DENND1B: variants seen among roughly 807,000 people sequenced by gnomAD.
DENND1B encodes the protein DENN domain-containing protein 1B.
DENND1B carries 59 observed loss-of-function variants against 90.1 expected under a neutral mutation model. The observed-to-expected ratio is 0.65, with a 90% CI of 0.53 to 0.81. The LOEUF is 0.81. DENND1B is among the 40% of genes least tolerant of loss of function. The probability of loss-of-function intolerance (pLI) is 0.00; values close to 1 mark genes in which losing one functional copy is unlikely to be tolerated. For synonymous variants in DENND1B, 337 were observed against 324.6 expected (o/e 1.04, Z -0.41); for missense variants, 862 against 912.6 (o/e 0.94, Z 0.71).
At chr1:197,721,368 C>T (rs1268639225) in intron 2 of DENND1B, among the ~76,000 whole-genome samples, 1 of 151,960 alleles carries the variant, frequency 6.6e-6, no homozygotes, top group Non-Finnish European at 1.5e-5. Context: ...CGTGCCTGGC[C>T]GAGAAACTGC....
intron 13 of DENND1B, among the ~76,000 whole-genome samples, chr1:197,604,401 A>G (rs1322663082): frequency 2.0e-5 from 3 of 151,266 alleles, no homozygotes; most frequent in African/African-American, 7.3e-5. Flanking sequence ...TCTAACAGTC[A>G]ATAAATCTAA....
intron 20 of DENND1B, among the ~76,000 whole-genome samples, chr1:197,536,946 C>G (rs893592356): frequency 2.6e-5 from 4 of 150,976 alleles, no homozygotes; most frequent in African/African-American, 9.7e-5. Context: ...GAGGCTGAGG[C>G]AGGAGAATGG....
intron 3 of DENND1B, among the ~76,000 whole-genome samples, chr1:197,702,978 C>A (rs1297251521): frequency 6.6e-6 from 1 of 151,964 alleles, no homozygotes; most frequent in South Asian, 2.1e-4. Context: ...TTCAGCTTTG[C>A]TTTTTTTGTT....
At chr1:197,781,105 A>G in the DENND1B span, among the ~76,000 whole-genome samples, 5 of 152,236 alleles carry the variant, frequency 3.3e-5, no homozygotes, top group Non-Finnish European at 7.3e-5. Flanking sequence ...ATGCGAAATA[A>G]TAAACACTAT....
chr1:197,606,943 A>T (rs1248749329), intron 13 of DENND1B, 130 bp downstream of exon 13: 5 of 653,370 alleles, frequency 7.7e-6, no homozygotes, highest in Admixed American at 6.2e-5. Flanking sequence ...ATCAACATTG[A>T]TTTCTCTCAC....
At chr1:197,727,305 G>A (rs1661728949) in intron 2 of DENND1B, among the ~76,000 whole-genome samples, 1 of 152,120 alleles carries the variant, frequency 6.6e-6, no homozygotes. Context: ...GGAGGGCAAG[G>A]AAGGTGGACC....
intron 14 of DENND1B, among the ~76,000 whole-genome samples, chr1:197,585,884 C>A (rs1436934216): frequency 6.6e-6 from 1 of 152,146 alleles, no homozygotes; most frequent in African/African-American, 2.4e-5. Context: ...AGTATGAGTT[C>A]TTTAAAATCA....
chr1:197,733,529 G>A (rs193030560), intron 2 of DENND1B, among the ~76,000 whole-genome samples: 13 of 152,204 alleles, frequency 8.5e-5, no homozygotes, highest in South Asian at 2.1e-4. Flanking sequence ...TGCAGCAGTC[G>A]GATTAGCTCT....
chr1:197,739,817 A>G (rs765363848), intron 2 of DENND1B, among the ~76,000 whole-genome samples: 2 of 152,222 alleles, frequency 1.3e-5, no homozygotes, highest in Admixed American at 6.5e-5. Flanking sequence ...CAAAGAAGAT[A>G]TACAGATGGA....
intron 5 of DENND1B, among the ~76,000 whole-genome samples, chr1:197,669,875 T>C (rs1655315078): frequency 6.6e-6 from 1 of 152,094 alleles, no homozygotes; most frequent in Non-Finnish European, 1.5e-5. Context: ...ATACACGATT[T>C]TACTTTTGGT....
chr1:197,752,980 C>T (rs1474296833), intron 2 of DENND1B, among the ~76,000 whole-genome samples: 1 of 151,900 alleles, frequency 6.6e-6, no homozygotes, highest in Admixed American at 6.6e-5. Context: ...TTTTTTATGG[C>T]TGTGTACTAT....
intron 10 of DENND1B, among the ~76,000 whole-genome samples, chr1:197,628,736 G>C (rs1013327446): frequency 5.9e-5 from 9 of 151,964 alleles, no homozygotes; most frequent in Non-Finnish European, 1.2e-4. Context: ...AGAGTGAACA[G>C]GCAACCTACA....
chr1:197,577,242 T>C (rs1322707087), intron 15 of DENND1B, among the ~76,000 whole-genome samples: 3 of 152,126 alleles, frequency 2.0e-5, no homozygotes, highest in Non-Finnish European at 2.9e-5. Flanking sequence ...GATGAGATGA[T>C]TGACCTAAGG....
chr1:197,582,378 T>G (rs1167713616), intron 15 of DENND1B, among the ~76,000 whole-genome samples: 4 of 152,174 alleles, frequency 2.6e-5, no homozygotes, highest in Non-Finnish European at 5.9e-5. Flanking sequence ...TTATTCATTT[T>G]TGTATCCTGG....
At chr1:197,761,091 C>T (rs2102459024) in intron 2 of DENND1B, among the ~76,000 whole-genome samples, 1 of 152,254 alleles carries the variant, frequency 6.6e-6, no homozygotes, top group African/African-American at 2.4e-5. Flanking sequence ...TCAGTGATTA[C>T]TCTGCAGGTA....
At position 197,680,254 on chromosome 1, in the gene DENND1B, A is replaced by G. The variant is rs548470953; in HGVS notation, c.127-6085T>C. On this transcript the variant is annotated intron_variant, in intron 3 of 22. Transcript: ENST00000620048. ...ACCACTCTTTTCCCTTGATGACCATATAACGTCCTACCCCCTTCAGACTAA... is the reference window on the plus strand; with the variant it reads ...ACCACTCTTTTCCCTTGATGACCATGTAACGTCCTACCCCCTTCAGACTAA... Among the ~76,000 whole-genome samples the G allele has an allele frequency of 5.3e-5, 8 of 152,312 alleles. No individual in the cohort carries two copies. The South Asian group carries it at 1.4e-3, about 28-fold the overall frequency.
chr1:197,631,444 T>G (rs1679317542), intron 10 of DENND1B, among the ~76,000 whole-genome samples: 1 of 151,972 alleles, frequency 6.6e-6, no homozygotes, highest in South Asian at 2.1e-4. Context: ...ATCTCTAATT[T>G]TAGAAGGTAT....
intron 15 of DENND1B, among the ~76,000 whole-genome samples, chr1:197,564,285 C>T (rs553174551): frequency 6.8e-6 from 1 of 146,742 alleles, no homozygotes; most frequent in African/African-American, 2.5e-5. Context: ...ATTGATGTGG[C>T]AAATTTCATT....
chr1:197,773,645 G>GT (rs1479370063), intron 1 of DENND1B, among the ~76,000 whole-genome samples: 1 of 152,228 alleles, frequency 6.6e-6, no homozygotes, highest in Non-Finnish European at 1.5e-5. Flanking sequence ...ACTAGAAACT[G>GT]TAAGTTTACT....
Sources: gnomAD v4.1 joint callset for allele counts (sites outside exome capture counted in the v4.1 genomes callset) on GRCh38, gnomAD v4.1.1 for gene constraint, MANE v1.5 for transcripts, NCBI Gene and HGNC (gene_info 2026-07-23, HGNC 2026-07-21) for gene names.